TDP1: variants seen among roughly 807,000 people sequenced by gnomAD.
The protein encoded by TDP1 is tyrosyl-DNA phosphodiesterase 1.
In TDP1, 64 loss-of-function variants were observed where a neutral mutation model predicts 81.5. That is an observed-to-expected ratio of 0.79 (90% confidence interval 0.64 to 0.97). TDP1 has a LOEUF of 0.97. TDP1 is among the 50% of genes least tolerant of loss of function. The pLI, the probability that TDP1 is intolerant of heterozygous loss-of-function variation, is 0.00. For synonymous variants in TDP1, 256 were observed against 264.3 expected (o/e 0.97, Z 0.30); for missense variants, 723 against 743.8 (o/e 0.97, Z 0.33).
chr14:90,024,913 T>C (rs968234101), intron 15 of TDP1, among the ~76,000 whole-genome samples: 1 of 152,192 alleles, frequency 6.6e-6, no homozygotes, highest in Non-Finnish European at 1.5e-5. Context: ...ACTTACTTAA[T>C]ACAGAATTTT....
At chr14:90,029,188 GC>G (rs1168019567) in intron 15 of TDP1, among the ~76,000 whole-genome samples, 1 of 146,886 alleles carries the variant, frequency 6.8e-6, no homozygotes, top group African/African-American at 2.6e-5. Flanking sequence ...TTCCAGCCCT[GC>G]CATTATTTTT....
chr14:90,031,920 A>G (rs1250158281), intron 15 of TDP1, among the ~76,000 whole-genome samples: 1 of 151,932 alleles, frequency 6.6e-6, no homozygotes, highest in Non-Finnish European at 1.5e-5. Flanking sequence ...CTCTTATGGC[A>G]CTCCTTTGCT....
chr14:89,983,116 C>T (rs1280524145), intron 8 of TDP1: 3 of 456,060 alleles, frequency 6.6e-6, no homozygotes, highest in Admixed American at 2.3e-5. Context: ...TCATCCAGAA[C>T]TCACCTGTGA....
At chr14:89,995,305 C>G (rs1221310430) in intron 14 of TDP1, among the ~76,000 whole-genome samples, 1 of 152,154 alleles carries the variant, frequency 6.6e-6, no homozygotes, top group Non-Finnish European at 1.5e-5. Flanking sequence ...GACCAGGAGG[C>G]ACAGAGTGAT....
At chr14:89,969,890 TTTTTG>T (rs1893400387) in intron 5 of TDP1, among the ~76,000 whole-genome samples, 1 of 148,768 alleles carries the variant, frequency 6.7e-6, no homozygotes, top group African/African-American at 2.5e-5. Flanking sequence ...TTTTTTTTTT[TTTTTG>T]AGGCGGAGTC....
At chr14:89,968,796 G>T (rs574576553) in intron 5 of TDP1, among the ~76,000 whole-genome samples, 1 of 152,274 alleles carries the variant, frequency 6.6e-6, no homozygotes, top group African/African-American at 2.4e-5. Flanking sequence ...TGTTGGCAAA[G>T]TGCAGACTGC....
chr14:89,972,752 T>C (rs1893814980), intron 6 of TDP1, among the ~76,000 whole-genome samples: 1 of 152,250 alleles, frequency 6.6e-6, no homozygotes, highest in Non-Finnish European at 1.5e-5. Context: ...GCTGGTGTAA[T>C]AGTCACCTTT....
At chr14:90,024,374 T>C (rs573839812) in intron 15 of TDP1, among the ~76,000 whole-genome samples, 2 of 152,260 alleles carry the variant, frequency 1.3e-5, no homozygotes, top group South Asian at 4.1e-4. Flanking sequence ...TCCACAACTT[T>C]CTAGAACCTG....
chr14:89,991,859 A>AT, intron 12 of TDP1, 58 bp from the exon 13 acceptor site: 1 of 1,518,384 alleles, frequency 6.6e-7, no homozygotes, highest in Non-Finnish European at 9.0e-7. Context: ...TTTCCTCTTA[A>AT]TGAGGGATCC....
intron 5 of TDP1, among the ~76,000 whole-genome samples, chr14:89,967,878 G>A (rs1893136889): frequency 6.6e-6 from 1 of 152,150 alleles, no homozygotes; most frequent in Non-Finnish European, 1.5e-5. Context: ...GGCTCTGGAG[G>A]TGATGGATTT....
At chr14:89,999,249 T>C (rs1263123921) in intron 14 of TDP1, among the ~76,000 whole-genome samples, 2 of 152,244 alleles carry the variant, frequency 1.3e-5, no homozygotes, top group African/African-American at 4.8e-5. Context: ...TTTTATGCTC[T>C]GGTGGACAAT....
At chr14:89,970,830 AATTTATTT>A (rs969217664) in intron 5 of TDP1, 5 of 791,082 alleles carry the variant, frequency 6.3e-6, no homozygotes, top group Non-Finnish European at 7.6e-6. Context: ...TATTTTAATT[AATTTATTT>A]ATTTATTTAT....
chr14:90,011,147 C>T (rs551235199), intron 14 of TDP1, among the ~76,000 whole-genome samples: 3 of 152,324 alleles, frequency 2.0e-5, no homozygotes, highest in South Asian at 4.1e-4. Context: ...TGCCTTTGCT[C>T]CTCCTTCGCC....
intron 16 of TDP1, among the ~76,000 whole-genome samples, chr14:90,039,684 A>C (rs1304167152): frequency 6.6e-6 from 1 of 152,224 alleles, no homozygotes; most frequent in South Asian, 2.1e-4. Flanking sequence ...AAAAAAAAAA[A>C]AAAGAAACTG....
chr14:90,034,409 CCAAGTAT>C (rs1208507226), intron 16 of TDP1, among the ~76,000 whole-genome samples: 1 of 152,176 alleles, frequency 6.6e-6, no homozygotes, highest in East Asian at 1.9e-4. Flanking sequence ...AGGGCAGTGA[CCAAGTAT>C]CTTTCACAGT....
chr14:89,970,656 A>G (rs1477689442), intron 5 of TDP1: 3 of 197,252 alleles, frequency 1.5e-5, no homozygotes, highest in Non-Finnish European at 2.7e-5. Context: ...GAGCTGCAGA[A>G]TCAGGCCATG....
chr14:90,010,525 G>T (rs1436456319), intron 14 of TDP1, among the ~76,000 whole-genome samples: 1 of 152,138 alleles, frequency 6.6e-6, no homozygotes, highest in African/African-American at 2.4e-5. Flanking sequence ...GTTATTGGGG[G>T]AGGGCCCAGT....
intron 6 of TDP1, among the ~76,000 whole-genome samples, chr14:89,973,740 T>TA (rs1293800199): frequency 6.6e-6 from 1 of 152,048 alleles, no homozygotes; most frequent in Non-Finnish European, 1.5e-5. Context: ...GCTTGGGTGC[T>TA]ATAACAAAAT....
chr14:89,996,397 G>GT (rs1896654642), intron 14 of TDP1, among the ~76,000 whole-genome samples: 1 of 152,176 alleles, frequency 6.6e-6, no homozygotes, highest in African/African-American at 2.4e-5. Context: ...AGCCCATGTA[G>GT]TTTCTTCTCC....
Sources: allele counts gnomAD v4.1 joint callset (sites outside exome capture counted in the v4.1 genomes callset), GRCh38; gene constraint gnomAD v4.1.1; transcripts MANE v1.5; gene names NCBI Gene and HGNC (gene_info 2026-07-23, HGNC 2026-07-21).